MAST2: variants seen among roughly 807,000 people sequenced by gnomAD.
MAST2 encodes microtubule associated serine/threonine kinase 2.
Under a neutral mutation model 147.4 loss-of-function variants are expected in MAST2, and 70 were observed. The observed-to-expected ratio is 0.47, with a 90% CI of 0.39 to 0.58. The LOEUF (loss-of-function observed/expected upper bound fraction) is 0.58, where lower values mean the gene tolerates loss of function less well. Among genes scored for constraint, MAST2 ranks in the 20% least tolerant of loss-of-function variants. The pLI, the probability that MAST2 is intolerant of heterozygous loss-of-function variation, is 0.00. For synonymous variants in MAST2, 869 were observed against 896.8 expected (o/e 0.97, Z 0.55); for missense variants, 2,080 against 2,302.3 (o/e 0.90, Z 1.98).
chr1:45,909,493 C>A (rs189621752), intron 4 of MAST2, among the ~76,000 whole-genome samples: 1 of 151,750 alleles, frequency 6.6e-6, no homozygotes, highest in Non-Finnish European at 1.5e-5. Flanking sequence ...TAAGAACAAT[C>A]ACACCATCAT....
Position 46,035,571 on chromosome 1 carries a change from T to C in MAST2, c.4902T>C (p.Thr1634=). ...CACTAACAGCACTTTCTCCCAGCAC[T>C]TCGGGACTCACCCCCACCAGCAGTT... The part of the protein sequence containing the change: ...TQALTALSPS[T]SGLTPTSSCS... Residue 1634 remains threonine (T), a synonymous_variant, in exon 29 of 29, where the codon ACT becomes ACC. Transcript: ENST00000361297. This position sits in a 1 kb window ranked among gnomAD's most constrained non-coding sequence, Gnocchi z 5.5. 6.2e-7 allele frequency: 1 copy of C among 1,613,572 alleles called. No homozygotes were observed. Among genetic ancestry groups the C allele is most frequent in the African/African-American group, 1.3e-5 (1 of 74,962 alleles).
chr1:46,030,805 C>T, intron 22 of MAST2, 44 bp downstream of exon 22: 1 of 1,523,748 alleles, frequency 6.6e-7, no homozygotes, highest in Admixed American at 2.4e-5. Flanking sequence ...ACAGCTATCC[C>T]TGCATTGTCA....
At chr1:45,940,565 TACAA>T (rs1231705452) in intron 4 of MAST2, among the ~76,000 whole-genome samples, 1 of 151,626 alleles carries the variant, frequency 6.6e-6, no homozygotes, top group Non-Finnish European at 1.5e-5. Flanking sequence ...ATTTCGGGCA[TACAA>T]ACAGAGTAGA....
In MAST2 at chr1:45,836,788, T is replaced by C. The variant is rs576880295; in HGVS notation, c.468+7207T>C. The stretch of plus-strand genomic sequence containing the variant: ...TACAGTTGTGTCACCACCACCACAA[T>C]TATGATATAGTTATATAAGAATTAT... On this transcript the variant is annotated intron_variant, in intron 3 of 28. Transcript: ENST00000361297. Among the ~76,000 whole-genome samples the C allele has an allele frequency of 3.5e-4, 53 of 152,342 alleles. 1 individual carries two copies. Among genetic ancestry groups the C allele is most frequent in the African/African-American group, 1.3e-3 (52 of 41,572 alleles).
At chr1:45,836,288 T>C (rs1026345865) in intron 3 of MAST2, among the ~76,000 whole-genome samples, 3 of 152,210 alleles carry the variant, frequency 2.0e-5, no homozygotes, top group Non-Finnish European at 4.4e-5. Flanking sequence ...GCCATCATAG[T>C]GGGTGTCAAG....
chr1:46,027,676 AGT>A, intron 16 of MAST2, 53 bp from the exon 17 acceptor site: 1 of 1,577,932 alleles, frequency 6.3e-7, no homozygotes, highest in Non-Finnish European at 8.6e-7. Context: ...TACTAAAATC[AGT>A]ACTCTCAGAA....
Position 46,029,952 on chromosome 1 carries a change from C to T in MAST2, c.2442C>T (p.Asp814=). The change falls in exon 20 of 29, where the codon GAC becomes GAT. Residue 814 remains aspartate, a splice_region_variant and synonymous_variant. Coordinates refer to ENST00000361297, the MANE Select transcript of MAST2 (RefSeq NM_015112.3). ...CAGAGGATGATACTAGCTATTTTGA[C>T]AGTAAGGCCACCGATGGGTGGGGTG... ...LESEDDTSYF[D]TRSERYHHMD... 1.2e-6 allele frequency: 2 copies of T among 1,614,072 alleles called. No homozygotes were observed. Among genetic ancestry groups the T allele is most frequent in the Non-Finnish European group, 1.7e-6 (2 of 1,179,994 alleles).
intron 4 of MAST2, among the ~76,000 whole-genome samples, chr1:45,929,780 A>T (rs78739273): frequency 6.6e-6 from 1 of 152,144 alleles, no homozygotes; most frequent in African/African-American, 2.4e-5. Context: ...TAATATATAC[A>T]TATGTGTGTG....
chr1:45,987,420 C>T (rs765840241), intron 5 of MAST2, among the ~76,000 whole-genome samples: 17 of 152,170 alleles, frequency 1.1e-4, no homozygotes, highest in Middle Eastern at 3.4e-3. Context: ...CTCAAGCAGT[C>T]TTCCCACTTC....
At chr1:45,961,539 A>G (rs905562390) in intron 5 of MAST2, among the ~76,000 whole-genome samples, 3 of 152,200 alleles carry the variant, frequency 2.0e-5, no homozygotes, top group Admixed American at 6.5e-5. Context: ...GCCTGCCTGG[A>G]TCTGTAGACT....
Position 45,966,396 on chromosome 1 carries a change from G to A in MAST2, c.592+6919G>A, listed in dbSNP as rs184879651. Among the ~76,000 whole-genome samples the A allele has an allele frequency of 2.0e-3, 307 of 150,278 alleles. 2 individuals are homozygous for A. Among genetic ancestry groups the A allele is most frequent in the Admixed American group, 3.8e-3 (57 of 15,056 alleles). On this transcript the variant is annotated intron_variant, in intron 5 of 28. Coordinates refer to ENST00000361297, the MANE Select transcript of MAST2 (RefSeq NM_015112.3). ...AAATAAGGAGCACAATTGCTATATT[G>A]AATGGTAAGAGTGTATTTGATTTTG...
chr1:45,973,899 G>A (rs1397203220), intron 5 of MAST2, among the ~76,000 whole-genome samples: 3 of 152,130 alleles, frequency 2.0e-5, no homozygotes, highest in Admixed American at 6.5e-5. Flanking sequence ...GAATGGTGGG[G>A]GCAAAACCTA....
intron 4 of MAST2, among the ~76,000 whole-genome samples, chr1:45,895,536 T>C (rs1464994098): frequency 6.6e-6 from 1 of 152,256 alleles, no homozygotes; most frequent in Non-Finnish European, 1.5e-5. Context: ...CAGATTTACC[T>C]GTGGGAACCA....
intron 4 of MAST2, among the ~76,000 whole-genome samples, chr1:45,888,675 T>C (rs1344552125): frequency 2.7e-5 from 1 of 36,738 alleles, no homozygotes; most frequent in Non-Finnish European, 4.8e-5. Flanking sequence ...TTTTTTTTTT[T>C]TTTTTTTTTT....
intron 4 of MAST2, among the ~76,000 whole-genome samples, chr1:45,916,613 A>G (rs182938572): frequency 9.8e-5 from 15 of 152,362 alleles, no homozygotes; most frequent in African/African-American, 3.6e-4. Context: ...AGCTAAACAA[A>G]TTGGTATTAT....
rs749213758 is a variant in MAST2, at chr1:46,034,651, C to T, written c.3982C>T (p.Arg1328Cys). 1.2e-5 allele frequency: 20 copies of T among 1,614,160 alleles called. No homozygotes were observed. Among genetic ancestry groups the T allele is most frequent in the South Asian group, 4.4e-5 (4 of 91,082 alleles). Residue 1328 changes from arginine (R) to cysteine (C), a missense_variant, in exon 29 of 29, where the codon CGC (arginine) becomes TGC (cysteine). Around this residue, in one of 4 missense-constraint regions of MAST2, gnomAD observed 1,278 missense variants for 1,304.2 expected, o/e 0.98. Coordinates refer to ENST00000361297, the MANE Select transcript of MAST2 (RefSeq NM_015112.3). ...CCACGGTCTGGCACCCAAGCTCCAA[C>T]GCCAGTACCGCTCTCCACGGCGCAA... is the stretch of plus-strand genomic sequence containing the variant. Reference protein sequence around the residue: ...SLHGLAPKLQRQYRSPRRKSA... With the variant: ...SLHGLAPKLQCQYRSPRRKSA...
chr1:45,848,315 A>G (rs1308733360), intron 3 of MAST2, among the ~76,000 whole-genome samples: 7 of 152,218 alleles, frequency 4.6e-5, no homozygotes, highest in Admixed American at 2.0e-4. Context: ...TCCTTGAATG[A>G]TAAGAGTGAC....
intron 4 of MAST2, among the ~76,000 whole-genome samples, chr1:45,887,237 A>G (rs1362181851): frequency 1.3e-5 from 2 of 152,234 alleles, no homozygotes; most frequent in Non-Finnish European, 2.9e-5. Context: ...AAGCTTTTCT[A>G]ATACCCATTA....
intron 12 of MAST2, 140 bp downstream of exon 12, chr1:46,022,222 C>T: frequency 9.9e-7 from 1 of 1,011,262 alleles, no homozygotes; most frequent in Non-Finnish European, 1.4e-6. Context: ...TTAGGAGATA[C>T]CCTGTGATCT....
Sources: gnomAD v4.1 joint callset for allele counts (sites outside exome capture counted in the v4.1 genomes callset) on GRCh38, gnomAD v4.1.1 for gene constraint, gnomAD v4.1.1 regional missense constraint, Gnocchi (gnomAD v3.1) non-coding constraint, MANE v1.5 for transcripts, NCBI Gene and HGNC (gene_info 2026-07-23, HGNC 2026-07-21) for gene names.